GCNT1: variants seen among roughly 807,000 people sequenced by gnomAD.
GCNT1 encodes the protein glucosaminyl (N-acetyl) transferase 1, also known as beta-1,3-galactosyl-O-glycosyl-glycoprotein beta-1,6-N-acetylglucosaminyltransferase.
In GCNT1, 16 loss-of-function variants were observed where a neutral mutation model predicts 26.2. That is an observed-to-expected ratio of 0.61 (90% CI 0.41 to 0.93). The LOEUF (loss-of-function observed/expected upper bound fraction) is 0.93. Ranked by LOEUF, GCNT1 falls within the 40% of genes least tolerant of loss-of-function variation. The pLI, the probability that GCNT1 is intolerant of heterozygous loss-of-function variation, is 0.00. For missense variants in GCNT1, 477 were observed against 526.7 expected (o/e 0.91, Z 0.92); for synonymous variants, 183 against 190.8 (o/e 0.96, Z 0.34).
At chr9:76,501,398 A>G (rs1825064074) in intron 3 of GCNT1, among the ~76,000 whole-genome samples, 1 of 152,240 alleles carries the variant, frequency 6.6e-6, no homozygotes. Context: ...ATTTGAATAT[A>G]GATGAAGGTC....
At chr9:76,429,554 A>G (rs1453627818) in intron 1 of GCNT1, among the ~76,000 whole-genome samples, 1 of 151,978 alleles carries the variant, frequency 6.6e-6, no homozygotes, top group Non-Finnish European at 1.5e-5. Flanking sequence ...CTTGGCCAGG[A>G]CTGGATTTTC....
At chr9:76,441,379 C>T (rs577806566), upstream of GCNT1, among the ~76,000 whole-genome samples, 1 of 152,256 alleles carries the variant, frequency 6.6e-6, no homozygotes, top group African/African-American at 2.4e-5. Flanking sequence ...CTCCTGACTT[C>T]AGGTGATCTG....
intron 2 of GCNT1, among the ~76,000 whole-genome samples, chr9:76,489,037 T>A (rs750665562): frequency 1.3e-5 from 2 of 152,148 alleles, no homozygotes; most frequent in Non-Finnish European, 2.9e-5. Context: ...GCTTCTTCAC[T>A]CACATGTCAG....
rs1345657201 is a variant in GCNT1, at chr9:76,428,281, AAAAAAAAACTT to A, written n.38+8403_38+8413del. ...ACTCCGTCTCAAAAAAAAAAAAAAA[AAAAAAAAACTT>A]AAAAAAAAAAAGAGAGAGAGAAATG... On this transcript the variant is annotated intron_variant and non_coding_transcript_variant, in intron 1 of 3. Transcript: ENST00000488136. Among the ~76,000 whole-genome samples the A allele has an allele frequency of 6.5e-4, 93 of 143,120 alleles. 2 individuals are homozygous for A. The South Asian group carries it at 7.7e-3, about 12-fold the overall frequency. The allele number at this position is 143,120 out of a possible 152,430, so 93.9% of individuals were successfully genotyped here.
rs147882777 is a variant in GCNT1, at chr9:76,500,322, T to C, written c.-289-594T>C. Among the ~76,000 whole-genome samples, 991 of 152,312 alleles carry C rather than the reference T, an allele frequency of 6.5e-3. 13 individuals are homozygous for C. The highest frequency in any genetic ancestry group is 0.023 in the African/African-American group (948 of 41,564). On this transcript the variant is annotated intron_variant, in intron 2 of 3. Transcript: ENST00000376730. The stretch of plus-strand genomic sequence containing the variant: ...ACTCAAGTTTCTCTCAGTTAGTTAG[T>C]GGTCTGCTAATGATTCCATAGAGAT...
chr9:76,478,812 A>G (rs1230989084), intron 2 of GCNT1, among the ~76,000 whole-genome samples: 1 of 152,204 alleles, frequency 6.6e-6, no homozygotes, highest in Non-Finnish European at 1.5e-5. Context: ...AATTAATGAA[A>G]TTTGTATGGG....
At chr9:76,467,192 G>A (rs1294867199) in intron 2 of GCNT1, among the ~76,000 whole-genome samples, 4 of 152,110 alleles carry the variant, frequency 2.6e-5, no homozygotes, top group East Asian at 1.9e-4. Flanking sequence ...ACAGGCACCC[G>A]CCACCGCGCC....
At chr9:76,402,599 TC>T in the GCNT1 span, among the ~76,000 whole-genome samples, 420 of 152,288 alleles carry the variant, frequency 2.8e-3, 1 homozygote, top group Middle Eastern at 0.014. Context: ...GATCACCTTT[TC>T]TGAAAGAGTT....
intron 1 of GCNT1, among the ~76,000 whole-genome samples, chr9:76,450,321 T>C (rs1487218864): frequency 6.6e-6 from 1 of 152,246 alleles, no homozygotes; most frequent in African/African-American, 2.4e-5. Context: ...GATGTGCACT[T>C]TTATATTTGT....
chr9:76,452,114 C>A (rs1402610952), intron 1 of GCNT1, among the ~76,000 whole-genome samples: 1 of 151,632 alleles, frequency 6.6e-6, no homozygotes, highest in Non-Finnish European at 1.5e-5. Context: ...GATTACAGGC[C>A]CCTGCCACCA....
At chr9:76,400,676 T>C in the GCNT1 span, among the ~76,000 whole-genome samples, 26 of 152,182 alleles carry the variant, frequency 1.7e-4, no homozygotes, top group Non-Finnish European at 3.1e-4. Flanking sequence ...ACAGGCTTCC[T>C]AGCATGAGAC....
upstream of GCNT1, among the ~76,000 whole-genome samples, chr9:76,438,190 C>A (rs1823434755): frequency 6.6e-6 from 1 of 152,188 alleles, no homozygotes; most frequent in African/African-American, 2.4e-5. Flanking sequence ...TGCTTTTATA[C>A]ATTTTAGGGA....
intron 2 of GCNT1, among the ~76,000 whole-genome samples, chr9:76,475,701 T>C (rs995031466): frequency 5.9e-5 from 9 of 152,154 alleles, no homozygotes; most frequent in African/African-American, 2.2e-4. Flanking sequence ...GAGACGACGA[T>C]AATTCCTGTT....
chr9:76,420,919 A>G, intron 1 of GCNT1, among the ~76,000 whole-genome samples: 1 of 148,934 alleles, frequency 6.7e-6, no homozygotes, highest in Admixed American at 6.8e-5. Context: ...AGCCTGGGTG[A>G]CAGAACAAGA....
chr9:76,396,837 TCAGCCAGGTG>T, the GCNT1 span, among the ~76,000 whole-genome samples: 1 of 152,182 alleles, frequency 6.6e-6, no homozygotes, highest in African/African-American at 2.4e-5. Context: ...AGACTCTGTC[TCAGCCAGGTG>T]GTGGTGGCTC....
the GCNT1 span, among the ~76,000 whole-genome samples, chr9:76,401,540 T>A: frequency 6.6e-6 from 1 of 152,202 alleles, no homozygotes; most frequent in Admixed American, 6.5e-5. Context: ...GTTTACAGTG[T>A]AAAGAAAGAA....
Position 76,506,724 on chromosome 9 carries a change from T to G in GCNT1, c.*3056T>G, listed in dbSNP as rs562901548. The stretch of plus-strand genomic sequence containing the variant: ...GATCTCAGTAAACAGCCACTCAGCC[T>G]TGAAAATGGAGTGTTGTTGTTTCTA... On this transcript the variant is annotated 3_prime_UTR_variant, in exon 4 of 4. Transcript: ENST00000376730. 1 of 167,050 alleles carries G rather than the reference T, an allele frequency of 6.0e-6. No homozygotes were observed. 10.3% of individuals were successfully genotyped at this position (167,050 alleles called of 1,614,324 possible).
At chr9:76,464,344 G>A (rs1823948535) in intron 2 of GCNT1, among the ~76,000 whole-genome samples, 1 of 152,060 alleles carries the variant, frequency 6.6e-6, no homozygotes, top group Admixed American at 6.6e-5. Context: ...AGCCTCCTGA[G>A]TAGCTGGGAC....
rs74712534 is a variant in GCNT1, at chr9:76,485,318, G to A, written c.-289-15598G>A. Among the ~76,000 whole-genome samples, 534 of 152,138 alleles carry A rather than the reference G, an allele frequency of 3.5e-3. 3 individuals carry two copies. The highest frequency in any genetic ancestry group is 0.012 in the African/African-American group (508 of 41,516). On this transcript the variant is annotated intron_variant, in intron 2 of 3. Coordinates refer to ENST00000376730, the MANE Select transcript of GCNT1 (RefSeq NM_001490.5). ...CTCCCAAGCACCTGGGATTATGGGC[G>A]CATGCCACCACACCCGGCTAATTTT...
Sources: allele counts gnomAD v4.1 joint callset (sites outside exome capture counted in the v4.1 genomes callset), GRCh38; gene constraint gnomAD v4.1.1; transcripts MANE v1.5; gene names NCBI Gene and HGNC (gene_info 2026-07-23, HGNC 2026-07-21).